The following PTPRA variants were observed in gnomAD, a reference collection of about 807,000 sequenced individuals.
PTPRA encodes protein tyrosine phosphatase receptor type A.
A neutral mutation model predicts 104.8 loss-of-function variants in PTPRA; 25 were observed. The observed-to-expected ratio is 0.24, with a 90% CI of 0.17 to 0.33. The LOEUF (loss-of-function observed/expected upper bound fraction) is 0.33, where lower values mean the gene tolerates loss of function less well. PTPRA is among the 10% of genes least tolerant of loss of function. PTPRA has a pLI of 1.00. For missense variants in PTPRA, 765 were observed against 1,015.3 expected, an observed-to-expected ratio of 0.75 and a Z score of 3.35; for synonymous variants, 323 against 368.9, an observed-to-expected ratio of 0.88 and a Z score of 1.43.
At chr20:2,924,837 C>T (rs1189654418) in intron 2 of PTPRA, among the ~76,000 whole-genome samples, 5 of 152,040 alleles carry the variant, frequency 3.3e-5, no homozygotes, top group Non-Finnish European at 5.9e-5. Flanking sequence ...CGCGCCACCA[C>T]GCCCAGCTAA....
At chr20:2,959,789 A>AG (rs1463663051) in intron 3 of PTPRA, among the ~76,000 whole-genome samples, 1 of 152,038 alleles carries the variant, frequency 6.6e-6, no homozygotes, top group East Asian at 1.9e-4. Context: ...CATGTCTACT[A>AG]ACAATACACA....
rs1316806588 is a variant in PTPRA at position 2,950,548 on chromosome 20, CA to C, written c.-7+2525del. ...GTCCCAGCTACTCAGAAGGCTGAGG[CA>C]GGAGAATGGCGTGAACCCAGGAGGC... On this transcript the variant is annotated intron_variant, in intron 3 of 23. Transcript: ENST00000399903. The surrounding 1 kb of genome is among the most constrained non-coding windows in gnomAD (Gnocchi z 4.0). 6.6e-6 allele frequency among the ~76,000 whole-genome samples: 1 copy of C among 151,528 alleles called. No individual in the cohort carries two copies. Among genetic ancestry groups the C allele is most frequent in the Non-Finnish European group, 1.5e-5 (1 of 67,920 alleles).
chr20:2,958,504 A>G (rs544025344), intron 3 of PTPRA, among the ~76,000 whole-genome samples: 1 of 151,986 alleles, frequency 6.6e-6, no homozygotes, highest in South Asian at 2.1e-4. Context: ...ATAGGAAAGC[A>G]CAGGGCAAAA....
At chr20:3,030,678 T>A (rs957154862) in intron 20 of PTPRA, among the ~76,000 whole-genome samples, 7 of 104,238 alleles carry the variant, frequency 6.7e-5, no homozygotes, top group Non-Finnish European at 1.2e-4. Context: ...TCCCTCTGCT[T>A]TTTTTTTTTT....
intron 20 of PTPRA, among the ~76,000 whole-genome samples, chr20:3,034,150 A>C (rs1197531034): frequency 6.6e-6 from 1 of 152,054 alleles, no homozygotes; most frequent in Non-Finnish European, 1.5e-5. Flanking sequence ...GCACACTTGT[A>C]GTCCCAGCTA....
intron 6 of PTPRA, among the ~76,000 whole-genome samples, chr20:2,982,886 G>C (rs981121440): frequency 2.0e-5 from 3 of 151,956 alleles, no homozygotes; most frequent in African/African-American, 7.3e-5. Context: ...TTTTAGTAGA[G>C]ATGGGGTTTC....
intron 3 of PTPRA, among the ~76,000 whole-genome samples, chr20:2,948,918 C>G (rs936793078): frequency 2.6e-5 from 4 of 151,966 alleles, no homozygotes; most frequent in Admixed American, 6.6e-5. Context: ...CACCACTGCA[C>G]TCCAGCCTGG....
intron 2 of PTPRA, among the ~76,000 whole-genome samples, chr20:2,936,016 A>G (rs2060688079): frequency 6.7e-6 from 1 of 148,752 alleles, no homozygotes; most frequent in East Asian, 2.0e-4. Context: ...TGAAAATCCA[A>G]CTCAAAAAAA....
chr20:2,911,723 G>A (rs1483779502), intron 1 of PTPRA, among the ~76,000 whole-genome samples: 1 of 152,136 alleles, frequency 6.6e-6, no homozygotes, highest in Non-Finnish European at 1.5e-5. Context: ...TAGTAAATAT[G>A]AGAGAAAGTG....
At chr20:2,960,538 C>T (rs1047122089) in intron 3 of PTPRA, among the ~76,000 whole-genome samples, 12 of 151,944 alleles carry the variant, frequency 7.9e-5, no homozygotes, top group African/African-American at 2.2e-4. Flanking sequence ...TGAGCCACCA[C>T]GCCCTACCTT....
chr20:3,030,971 C>T (rs893516664), intron 20 of PTPRA, among the ~76,000 whole-genome samples: 23 of 152,100 alleles, frequency 1.5e-4, no homozygotes, highest in Non-Finnish European at 4.4e-5. Flanking sequence ...TGAGCCATTG[C>T]GCCTGGCCTC....
At chr20:2,987,991 C>G in intron 7 of PTPRA, 41 bp from the exon 8 acceptor site, 1 of 1,497,820 alleles carries the variant, frequency 6.7e-7, no homozygotes, top group Non-Finnish European at 9.3e-7. Flanking sequence ...GCCTCTCCCA[C>G]CTCTGTGCTC....
At chr20:2,988,000 T>C in intron 7 of PTPRA, 32 bp from the exon 8 acceptor site, 1 of 1,516,652 alleles carries the variant, frequency 6.6e-7, no homozygotes, top group Non-Finnish European at 9.2e-7. Flanking sequence ...ACCTCTGTGC[T>C]CCATTCTTCA....
intron 9 of PTPRA, among the ~76,000 whole-genome samples, chr20:2,993,929 G>A (rs2063293212): frequency 6.6e-6 from 1 of 152,194 alleles, no homozygotes; most frequent in Non-Finnish European, 1.5e-5. Context: ...AGGCAGGCAG[G>A]CAGACAGACA....
rs1600297039 is a variant in PTPRA at position 3,037,069 on chromosome 20, A to C, written c.2199-85A>C. 1 of 1,550,190 alleles carries C rather than the reference A, an allele frequency of 6.5e-7. No homozygotes were observed. The highest frequency in any genetic ancestry group is 1.2e-5 in the South Asian group (1 of 81,586). ...AGGCGAGCACCAGCTGCCTGCCCCC[A>C]CCTCTTCTGCCACTCACCACTGTCA... On this transcript the variant is annotated intron_variant, in intron 22 of 23. Transcript: ENST00000399903. This position sits in a 1 kb window ranked among gnomAD's most constrained non-coding sequence, Gnocchi z 4.3.
Position 3,022,427 on chromosome 20 carries a change from T to G in PTPRA, c.1328+207T>G, listed in dbSNP as rs1405980639. 2.0e-5 allele frequency among the ~76,000 whole-genome samples: 3 copies of G among 152,046 alleles called. No homozygotes were observed. Among genetic ancestry groups the G allele is most frequent in the African/African-American group, 7.2e-5 (3 of 41,384 alleles). On this transcript the variant is annotated intron_variant, in intron 15 of 23. Transcript: ENST00000399903. The surrounding 1 kb of genome is among the most constrained non-coding windows in gnomAD (Gnocchi z 4.6). The stretch of plus-strand genomic sequence containing the variant: ...GGAGGGTAGGGCAGTCCTCCAAGAT[T>G]AGGAGTTGGGAGACCCTGCTATGAA...
At chr20:3,002,617 G>A (rs745675180) in intron 9 of PTPRA, among the ~76,000 whole-genome samples, 17 of 152,078 alleles carry the variant, frequency 1.1e-4, no homozygotes, top group Non-Finnish European at 1.9e-4. Flanking sequence ...GTGAGCCACC[G>A]CGCCTGGCCC....
At chr20:2,948,823 G>A (rs1437620665) in intron 3 of PTPRA, among the ~76,000 whole-genome samples, 5 of 152,114 alleles carry the variant, frequency 3.3e-5, no homozygotes, top group Non-Finnish European at 7.4e-5. Context: ...GTGGTGGCGG[G>A]CACCTGTAGT....
chr20:2,866,845 C>T, the PTPRA span: 1 of 427,694 alleles, frequency 2.3e-6, no homozygotes, highest in South Asian at 4.2e-5. Flanking sequence ...GAGGTGGGGG[C>T]TTCTCCAGCC....
Sources: gnomAD v4.1 joint callset for allele counts (sites outside exome capture counted in the v4.1 genomes callset) on GRCh38, gnomAD v4.1.1 for gene constraint, Gnocchi (gnomAD v3.1) non-coding constraint, MANE v1.5 for transcripts, NCBI Gene and HGNC (gene_info 2026-07-23, HGNC 2026-07-21) for gene names.